The following WDR19 variants were observed in gnomAD, a reference collection of about 807,000 sequenced individuals.
WDR19 encodes the protein WD repeat domain 19, also known as WD repeat-containing protein 19.
WDR19 carries 121 observed loss-of-function variants against 180.0 expected under a neutral mutation model. That is an observed-to-expected ratio of 0.67 (90% CI 0.58 to 0.78). The LOEUF (loss-of-function observed/expected upper bound fraction) is 0.78. WDR19 is among the 30% of genes least tolerant of loss of function. WDR19 has a pLI of 0.00. For synonymous variants in WDR19, 497 were observed against 540.7 expected, an observed-to-expected ratio of 0.92 and a Z score of 1.12; for missense variants, 1,450 against 1,640.7, an observed-to-expected ratio of 0.88 and a Z score of 2.01.
chr4:39,218,150 T>G (rs1345462196), intron 14 of WDR19, 45 bp downstream of exon 14: 6 of 1,569,130 alleles, frequency 3.8e-6, no homozygotes, highest in African/African-American at 1.4e-5. Flanking sequence ...AATTTTTAAT[T>G]TTTATTTTGT....
intron 32 of WDR19, chr4:39,274,096 T>A (rs537935848): frequency 9.2e-5 from 14 of 152,362 alleles, no homozygotes; most frequent in African/African-American, 3.1e-4. Context: ...ACTTTTAACA[T>A]GTCACAAAAA....
intron 13 of WDR19, 117 bp downstream of exon 13, chr4:39,217,357 T>C: frequency 1.2e-6 from 1 of 801,042 alleles, no homozygotes; most frequent in Non-Finnish European, 2.0e-6. Flanking sequence ...GAAAGCCAAG[T>C]GTGAGTAAAG....
intron 9 of WDR19, 75 bp from the exon 10 acceptor site, chr4:39,214,526 G>A: frequency 1.2e-6 from 1 of 855,556 alleles, no homozygotes; most frequent in Non-Finnish European, 1.8e-6. Flanking sequence ...TCCATGGTTT[G>A]TAATTTTTTG....
intron 25 of WDR19, 147 bp downstream of exon 25, chr4:39,253,439 C>G (rs1385458176): frequency 2.1e-6 from 2 of 932,732 alleles, no homozygotes; most frequent in Non-Finnish European, 3.1e-6. Context: ...CAAAGGCTGT[C>G]GTGGTCAGCA....
intron 19 of WDR19, among the ~76,000 whole-genome samples, chr4:39,234,299 G>A (rs535877305): frequency 6.6e-6 from 1 of 152,224 alleles, no homozygotes; most frequent in East Asian, 1.9e-4. Context: ...TTACATTTTA[G>A]TTACATTTGC....
chr4:39,198,560 C>CAAAAAAAA (rs952175243), intron 5 of WDR19, among the ~76,000 whole-genome samples: 1 of 144,924 alleles, frequency 6.9e-6, no homozygotes, highest in Non-Finnish European at 1.5e-5. Flanking sequence ...GACTCCGTCT[C>CAAAAAAAA]AAAAAAAAAG....
chr4:39,193,194 CTGTG>C (rs1464432617), intron 4 of WDR19, among the ~76,000 whole-genome samples: 1 of 147,860 alleles, frequency 6.8e-6, no homozygotes, highest in East Asian at 2.0e-4. Flanking sequence ...CAGAGTCTCA[CTGTG>C]TCGCCCAGGT....
At chr4:39,190,933 A>G (rs888664190) in intron 4 of WDR19, among the ~76,000 whole-genome samples, 8 of 152,220 alleles carry the variant, frequency 5.3e-5, no homozygotes, top group Non-Finnish European at 8.8e-5. Flanking sequence ...CAGTAAGGCC[A>G]TGTTCTCACT....
In WDR19 at chr4:39,228,611, C is replaced by T; in HGVS notation, c.1903C>T (p.His635Tyr). The change falls in exon 17 of 37, where the codon CAT becomes TAT. Residue 635 changes from histidine to tyrosine, a missense_variant. Coordinates refer to ENST00000399820, the MANE Select transcript of WDR19 (RefSeq NM_025132.4). ...AGTAAACAACATCTACCTTAGCACC[C>T]ATGGCTTTCTCAGCAACTTAAAAGA... ...GKVNNIYLST[H>Y]GFLSNLKDTG... 1 of 1,613,500 alleles carries T rather than the reference C, an allele frequency of 6.2e-7. No individual in the cohort carries two copies. Among genetic ancestry groups the T allele is most frequent in the Non-Finnish European group, 8.5e-7 (1 of 1,179,646 alleles).
At chr4:39,262,601 G>T (rs921973305) in intron 28 of WDR19, among the ~76,000 whole-genome samples, 1 of 151,920 alleles carries the variant, frequency 6.6e-6, no homozygotes, top group African/African-American at 2.4e-5. Context: ...CTTCACTCTT[G>T]CTCCTTACAC....
intron 4 of WDR19, 142 bp from the exon 5 acceptor site, chr4:39,194,402 G>T: frequency 1.9e-6 from 1 of 520,016 alleles, no homozygotes; most frequent in Non-Finnish European, 3.4e-6. Flanking sequence ...TTAGCATTTA[G>T]TCTTTGTCCT....
Position 39,205,657 on chromosome 4 carries a change from G to A in WDR19, c.811G>A (p.Ala271Thr), listed in dbSNP as rs1560490904. The A allele has an allele frequency of 1.2e-6, 2 of 1,612,236 alleles. No individual in the cohort carries two copies. Among genetic ancestry groups the A allele is most frequent in the Non-Finnish European group, 8.5e-7 (1 of 1,179,074 alleles). Residue 271 changes from alanine to threonine, a missense_variant, in exon 9 of 37, where the codon GCT (alanine) becomes ACT (threonine). Physicochemically the swap from Ala to Thr is moderately conservative, Grantham distance 58. Coordinates refer to ENST00000399820, the MANE Select transcript of WDR19 (RefSeq NM_025132.4). ...AGAGCTTGGTCAAGAGATATTTCAG[G>A]CTCGTAACCATAAAGATAATCTAAC... ...TGELGQEIFQ[A>T]RNHKDNLTSI...
intron 17 of WDR19, among the ~76,000 whole-genome samples, chr4:39,229,272 T>C (rs180957148): frequency 6.6e-6 from 1 of 152,294 alleles, no homozygotes; most frequent in Non-Finnish European, 1.5e-5. Flanking sequence ...AACATATGAG[T>C]GCAGGTGTCT....
intron 28 of WDR19, among the ~76,000 whole-genome samples, chr4:39,264,230 T>C (rs1005381708): frequency 6.6e-6 from 1 of 152,218 alleles, no homozygotes; most frequent in African/African-American, 2.4e-5. Context: ...TGTCACTAAA[T>C]TGACCTCCAG....
chr4:39,263,289 C>T (rs1322257256), intron 28 of WDR19, among the ~76,000 whole-genome samples: 1 of 152,182 alleles, frequency 6.6e-6, no homozygotes, highest in Non-Finnish European at 1.5e-5. Flanking sequence ...ACAGATCTCT[C>T]ACTTGCTAAA....
intron 24 of WDR19, among the ~76,000 whole-genome samples, chr4:39,252,188 A>C (rs1394744426): frequency 6.6e-6 from 1 of 151,940 alleles, no homozygotes; most frequent in Non-Finnish European, 1.5e-5. Context: ...ATAAAAAATG[A>C]TGAGTTCATG....
At chr4:39,202,195 T>G (rs180853651) in intron 6 of WDR19, among the ~76,000 whole-genome samples, 1 of 152,302 alleles carries the variant, frequency 6.6e-6, no homozygotes, top group Admixed American at 6.5e-5. Flanking sequence ...CTCTTCATAG[T>G]TTTATCTTTT....
intron 5 of WDR19, among the ~76,000 whole-genome samples, chr4:39,198,054 G>C (rs1415043887): frequency 6.6e-6 from 1 of 151,678 alleles, no homozygotes; most frequent in Non-Finnish European, 1.5e-5. Context: ...TGTTGCCTAG[G>C]CTGGTCTTGA....
chr4:39,249,050 C>T (rs924167529), intron 24 of WDR19, among the ~76,000 whole-genome samples: 85 of 152,180 alleles, frequency 5.6e-4, no homozygotes, highest in Non-Finnish European at 1.0e-3. Flanking sequence ...ACAGAATATA[C>T]GTTCTTTTCA....
Sources: allele counts gnomAD v4.1 joint callset (sites outside exome capture counted in the v4.1 genomes callset), GRCh38; gene constraint gnomAD v4.1.1; transcripts MANE v1.5; gene names NCBI Gene and HGNC (gene_info 2026-07-23, HGNC 2026-07-21).